The following PCDHGC4 variants were observed in gnomAD, a reference collection of about 807,000 sequenced individuals.
The protein encoded by PCDHGC4 is protocadherin gamma subfamily C, 4, also known as protocadherin gamma-C4.
PCDHGC4 carries 15 observed loss-of-function variants against 59.7 expected under a neutral mutation model. That is an observed-to-expected ratio of 0.25 (90% CI 0.17 to 0.39). The LOEUF is 0.39. Ranked by LOEUF, PCDHGC4 falls within the 10% of genes least tolerant of loss-of-function variation. The pLI is 1.00. For missense variants in PCDHGC4, 1,016 were observed against 1,189.5 expected (o/e 0.85, Z 2.15); for synonymous variants, 434 against 481.4 (o/e 0.90, Z 1.29).
intron 2 of PCDHGC4, 37 bp downstream of exon 2, chr5:141,494,902 C>T (rs2099757367): frequency 1.9e-6 from 3 of 1,614,024 alleles, no homozygotes; most frequent in Non-Finnish European, 2.5e-6. Flanking sequence ...CTCTTCTCTG[C>T]GGCATTTTCT....
chr5:141,495,108 C>G (rs1304714928), intron 2 of PCDHGC4, among the ~76,000 whole-genome samples: 1 of 152,176 alleles, frequency 6.6e-6, no homozygotes, highest in Admixed American at 6.5e-5. Context: ...ACGACCGGCA[C>G]CTTTTCCTAT....
At position 141,486,190 on chromosome 5, in the gene PCDHGC4, T is replaced by A; in HGVS notation, c.1017T>A (p.Asp339Glu). Reference protein sequence around the residue: ...AMEQHCSLRVDLLDVNDNAPY... With the variant: ...AMEQHCSLRVELLDVNDNAPY... Reference sequence around the variant, plus strand: ...AGCAACATTGCAGCCTTCGAGTGGATCTGCTGGACGTAAATGACAATGCCC... The same window carrying A: ...AGCAACATTGCAGCCTTCGAGTGGAACTGCTGGACGTAAATGACAATGCCC... The change falls in exon 1 of 4, where the codon GAT (aspartate) becomes GAA (glutamate). Residue 339 changes from aspartate to glutamate, a missense_variant. Transcript: ENST00000306593. The surrounding 1 kb of genome is among the most constrained non-coding windows in gnomAD (Gnocchi z 5.0). 1 of 1,614,122 alleles carries A rather than the reference T, an allele frequency of 6.2e-7. No individual in the cohort carries two copies. Among genetic ancestry groups the A allele is most frequent in the South Asian group, 1.1e-5 (1 of 91,070 alleles).
intron 2 of PCDHGC4, among the ~76,000 whole-genome samples, chr5:141,500,838 GGCTTTT>G (rs2099802886): frequency 6.6e-6 from 1 of 151,878 alleles, no homozygotes. Flanking sequence ...AATGCTAATG[GGCTTTT>G]GCTACATTAG....
At chr5:141,494,648 T>G in intron 1 of PCDHGC4, 159 bp from the exon 2 acceptor site, 1 of 946,506 alleles carries the variant, frequency 1.1e-6, no homozygotes, top group Non-Finnish European at 1.3e-6. Flanking sequence ...ACCTGAGGTG[T>G]ATTTTGTCTT....
In PCDHGC4 at chr5:141,491,219, C is replaced by T; in HGVS notation, c.2443-3588C>T. ...GGTGACCCTTCACTCTCCTCCACAG[C>T]CACAGTGCTGCTGGTTCTGGAGGAT... is the stretch of plus-strand genomic sequence containing the variant. On this transcript the variant is annotated intron_variant, in intron 1 of 3. Coordinates refer to ENST00000306593, the MANE Select transcript of PCDHGC4 (RefSeq NM_018928.3). The surrounding 1 kb of genome is among the most constrained non-coding windows in gnomAD (Gnocchi z 6.9). 3 of 1,614,208 alleles carry T rather than the reference C, an allele frequency of 1.9e-6. No homozygotes were observed. The highest frequency in any genetic ancestry group is 2.5e-6 in the Non-Finnish European group (3 of 1,180,028).
In PCDHGC4 at chr5:141,511,351, C is replaced by A. The variant is rs1190324197; in HGVS notation, c.*178C>A. 11 of 1,386,432 alleles carry A rather than the reference C, an allele frequency of 7.9e-6. No individual in the cohort carries two copies. Among genetic ancestry groups the A allele is most frequent in the South Asian group, 4.5e-5 (3 of 67,158 alleles). The allele number at this position is 1,386,432 out of a possible 1,614,324, so 85.9% of individuals were successfully genotyped here. On this transcript the variant is annotated 3_prime_UTR_variant, in exon 4 of 4. Transcript: ENST00000306593. ...CCAGTCAGCACCTACCCCTTCCCCC[C>A]CAGGGGGTTGAATATGCAAAAGCAG...
At chr5:141,508,835 C>T (rs1190105775) in intron 3 of PCDHGC4, among the ~76,000 whole-genome samples, 12 of 152,158 alleles carry the variant, frequency 7.9e-5, no homozygotes, top group African/African-American at 2.9e-4. Flanking sequence ...CCCCCCTCCC[C>T]TACCCCTTCC....
intron 3 of PCDHGC4, among the ~76,000 whole-genome samples, chr5:141,510,553 A>G (rs1471878583): frequency 6.6e-6 from 1 of 152,162 alleles, no homozygotes; most frequent in Non-Finnish European, 1.5e-5. Context: ...TGTTTTGAGC[A>G]CTTACATCTA....
chr5:141,505,026 G>T (rs190826538), intron 2 of PCDHGC4, among the ~76,000 whole-genome samples: 1 of 152,198 alleles, frequency 6.6e-6, no homozygotes, highest in South Asian at 2.1e-4. Context: ...GCCTGGCACA[G>T]TGGCAGGTGC....
chr5:141,486,869 C>G lies in PCDHGC4; in HGVS notation c.1696C>G (p.Leu566Val). Residue 566 changes from leucine to valine, a missense_variant, in exon 1 of 4, where the codon CTC (leucine) becomes GTC (valine). By Grantham distance (32) the Leu-to-Val change is conservative. Transcript: ENST00000306593. This position sits in a 1 kb window ranked among gnomAD's most constrained non-coding sequence, Gnocchi z 5.0. ...LDLNDNAPAV[L>V]RPRARPGSLC... ...CCTCAATGACAATGCTCCAGCTGTG[C>G]TCCGTCCTCGGGCCCGGCCTGGTTC... The G allele has an allele frequency of 6.2e-7, 1 of 1,614,246 alleles. No homozygotes were observed. The highest frequency in any genetic ancestry group is 8.5e-7 in the Non-Finnish European group (1 of 1,180,042).
rs2099811015 is a variant in PCDHGC4 at position 141,501,774 on chromosome 5, G to GTC, written c.2502-3612_2502-3611dup. ...CTCTCAGTAAATGGTTAAAAAAGAG[G>GTC]TCTCTCTCCCTCTGCTCATCTCTTA... is the stretch of plus-strand genomic sequence containing the variant. On this transcript the variant is annotated intron_variant, in intron 2 of 3. Coordinates refer to ENST00000306593, the MANE Select transcript of PCDHGC4 (RefSeq NM_018928.3). Among the ~76,000 whole-genome samples, 3 of 152,062 alleles carry GTC rather than the reference G, an allele frequency of 2.0e-5. No homozygotes were observed. In the South Asian group the frequency reaches 6.2e-4, roughly 32 times the overall value.
rs745457172 is a variant in PCDHGC4 at position 141,490,744 on chromosome 5, C to T, written c.2442+3129C>T. The stretch of plus-strand genomic sequence containing the variant: ...TGTAGGAAATCAGGTTCAGGGAGCC[C>T]CAGCCTCCTCCTTTGTGTATGTCAA... On this transcript the variant is annotated intron_variant, in intron 1 of 3. Coordinates refer to ENST00000306593, the MANE Select transcript of PCDHGC4 (RefSeq NM_018928.3). The surrounding 1 kb of genome is among the most constrained non-coding windows in gnomAD (Gnocchi z 5.4). 1 of 1,614,142 alleles carries T rather than the reference C, an allele frequency of 6.2e-7. No homozygotes were observed. Among genetic ancestry groups the T allele is most frequent in the Non-Finnish European group, 8.5e-7 (1 of 1,180,006 alleles).
At chr5:141,510,431 G>A (rs912708135) in intron 3 of PCDHGC4, among the ~76,000 whole-genome samples, 9 of 152,132 alleles carry the variant, frequency 5.9e-5, no homozygotes, top group African/African-American at 1.9e-4. Flanking sequence ...TTTCATGGCT[G>A]CTGCCCTCCA....
intron 3 of PCDHGC4, among the ~76,000 whole-genome samples, chr5:141,505,697 C>T (rs540949327): frequency 1.4e-4 from 21 of 152,198 alleles, no homozygotes; most frequent in Admixed American, 7.2e-4. Context: ...TGGAGGAGAG[C>T]GAACAAGGAA....
At position 141,487,943 on chromosome 5, in the gene PCDHGC4, A is replaced by C. The variant is rs2099669443; in HGVS notation, c.2442+328A>C. ...TACAGTGCACAGGGTACAGTGCACCAGGCAGTCACTTGGACAAAGGTGGCT... is the reference window on the plus strand; with the variant it reads ...TACAGTGCACAGGGTACAGTGCACCCGGCAGTCACTTGGACAAAGGTGGCT... On this transcript the variant is annotated intron_variant, in intron 1 of 3. Coordinates refer to ENST00000306593, the MANE Select transcript of PCDHGC4 (RefSeq NM_018928.3). The surrounding 1 kb of genome is among the most constrained non-coding windows in gnomAD (Gnocchi z 5.0). Among the ~76,000 whole-genome samples, 1 of 152,220 alleles carries C rather than the reference A, an allele frequency of 6.6e-6. No homozygotes were observed.
chr5:141,502,866 C>CTT (rs549047197), intron 2 of PCDHGC4, among the ~76,000 whole-genome samples: 3 of 128,046 alleles, frequency 2.3e-5, no homozygotes, highest in Non-Finnish European at 3.2e-5. Flanking sequence ...GACTCTCTGT[C>CTT]TTTTTTTTTT....
Position 141,485,200 on chromosome 5 carries a change from A to C in PCDHGC4, c.27A>C (p.Thr9=). 1 of 1,614,116 alleles carries C rather than the reference A, an allele frequency of 6.2e-7. No homozygotes were observed. The highest frequency in any genetic ancestry group is 2.2e-5 in the East Asian group (1 of 44,872). ...TGCTCCGCAAGGTGAGAAGCTGGAC[A>C]GAAATCTGGCGGTGGGCTACCCTTT... The part of the protein sequence containing the change: MLRKVRSW[T]EIWRWATLLF... The change falls in exon 1 of 4, where the codon ACA becomes ACC. Residue 9 remains threonine, a synonymous_variant. Coordinates refer to ENST00000306593, the MANE Select transcript of PCDHGC4 (RefSeq NM_018928.3). This position sits in a 1 kb window ranked among gnomAD's most constrained non-coding sequence, Gnocchi z 5.7.
Position 141,489,458 on chromosome 5 carries a change from G to T in PCDHGC4, c.2442+1843G>T, listed in dbSNP as rs143138320. 1 of 1,613,924 alleles carries T rather than the reference G, an allele frequency of 6.2e-7. No homozygotes were observed. Among genetic ancestry groups the T allele is most frequent in the Non-Finnish European group, 8.5e-7 (1 of 1,180,000 alleles). On this transcript the variant is annotated intron_variant, in intron 1 of 3. Coordinates refer to ENST00000306593, the MANE Select transcript of PCDHGC4 (RefSeq NM_018928.3). The surrounding 1 kb of genome is among the most constrained non-coding windows in gnomAD (Gnocchi z 4.5). ...CAATTGGGCTCTGAGGAGAATGGGC[G>T]CTATTTTTCCCTGAGCTTGATGAGT...
chr5:141,496,932 T>G (rs1336402833), intron 2 of PCDHGC4, among the ~76,000 whole-genome samples: 1 of 148,964 alleles, frequency 6.7e-6, no homozygotes, highest in Non-Finnish European at 1.5e-5. Context: ...ACGCCTGTAA[T>G]CCCAGCACTT....
Sources: allele counts gnomAD v4.1 joint callset (sites outside exome capture counted in the v4.1 genomes callset), GRCh38; gene constraint gnomAD v4.1.1; non-coding constraint Gnocchi (gnomAD v3.1); transcripts MANE v1.5; gene names NCBI Gene and HGNC (gene_info 2026-07-23, HGNC 2026-07-21).